Variants in SHISA6 observed in about 807,000 individuals in gnomAD.
The protein encoded by SHISA6 is protein shisa-6.
In SHISA6, 22 loss-of-function variants were observed where a neutral mutation model predicts 47.9. That is an observed-to-expected ratio of 0.46 (90% CI 0.33 to 0.66). The LOEUF (loss-of-function observed/expected upper bound fraction) is 0.66, where lower values mean the gene tolerates loss of function less well. Ranked by LOEUF, SHISA6 falls within the 30% of genes least tolerant of loss-of-function variation. SHISA6 has a pLI of 0.02. For synonymous variants in SHISA6, 388 were observed against 337.8 expected (o/e 1.15, Z -1.63); for missense variants, 680 against 764.6 (o/e 0.89, Z 1.30).
At chr17:11,320,697 CAAG>C (rs1200446195) in intron 2 of SHISA6, among the ~76,000 whole-genome samples, 2 of 151,184 alleles carry the variant, frequency 1.3e-5, no homozygotes, top group Admixed American at 6.6e-5. Context: ...GAGAAGAAAC[CAAG>C]GAGGAGGAGG....
At chr17:11,287,096 T>C (rs553879844) in intron 2 of SHISA6, among the ~76,000 whole-genome samples, 2 of 152,114 alleles carry the variant, frequency 1.3e-5, no homozygotes, top group Admixed American at 1.3e-4. Flanking sequence ...GAAAATGCAG[T>C]GAGTAAAAGA....
intron 2 of SHISA6, among the ~76,000 whole-genome samples, chr17:11,280,805 G>T (rs1279517199): frequency 6.6e-6 from 1 of 152,220 alleles, no homozygotes; most frequent in African/African-American, 2.4e-5. Context: ...TGCTCAATGG[G>T]TTGAATGGCA....
chr17:11,277,280 T>TCACACA lies in SHISA6; in HGVS notation c.799+13788_799+13793dup, dbSNP rs113287260. ...CTCTCTCTCTCTCTCTCTCTCTCTC[T>TCACACA]CACACACACACACACACACACACAC... On this transcript the variant is annotated intron_variant, in intron 2 of 5. Transcript: ENST00000441885. 2.8e-3 allele frequency among the ~76,000 whole-genome samples: 152 copies of TCACACA among 53,852 alleles called. 2 individuals are homozygous for TCACACA. The highest frequency in any genetic ancestry group is 7.7e-3 in the South Asian group (7 of 904). 35.3% of individuals were successfully genotyped at this position (53,852 alleles called of 152,430 possible). A position where few individuals can be genotyped will look rare whatever the true frequency, so the allele number is the denominator to read the frequency against.
intron 2 of SHISA6, among the ~76,000 whole-genome samples, chr17:11,294,862 T>C (rs1909688943): frequency 6.6e-6 from 1 of 152,256 alleles, no homozygotes; most frequent in Non-Finnish European, 1.5e-5. Context: ...AGAACTTTTG[T>C]GTTTTCACTT....
chr17:11,319,288 A>G (rs1406713578), intron 2 of SHISA6, among the ~76,000 whole-genome samples: 1 of 152,112 alleles, frequency 6.6e-6, no homozygotes, highest in Non-Finnish European at 1.5e-5. Flanking sequence ...CATGTTGGCC[A>G]GGCTAGTCTC....
chr17:11,457,310 A>C (rs1342802841), intron 3 of SHISA6, among the ~76,000 whole-genome samples: 1 of 152,156 alleles, frequency 6.6e-6, no homozygotes, highest in African/African-American at 2.4e-5. Flanking sequence ...AGTCTTCCCG[A>C]GGAAGCTTTT....
chr17:11,384,674 G>T (rs1913135008), intron 3 of SHISA6, among the ~76,000 whole-genome samples: 1 of 152,180 alleles, frequency 6.6e-6, no homozygotes, highest in Admixed American at 6.5e-5. Context: ...GGCAGTGGCA[G>T]ATGTGCTCCC....
intron 3 of SHISA6, among the ~76,000 whole-genome samples, chr17:11,482,224 T>C (rs115735425): frequency 3.9e-4 from 59 of 152,276 alleles, no homozygotes; most frequent in African/African-American, 1.4e-3. Context: ...CAAAGAAATA[T>C]ATTGGTGATG....
At chr17:11,514,833 T>C (rs1162110961) in intron 3 of SHISA6, among the ~76,000 whole-genome samples, 1 of 152,234 alleles carries the variant, frequency 6.6e-6, no homozygotes, top group Admixed American at 6.5e-5. Flanking sequence ...TCCTATTGTA[T>C]AGCAGCAGCC....
At chr17:11,440,973 A>G (rs146539028) in intron 3 of SHISA6, among the ~76,000 whole-genome samples, 162 of 152,166 alleles carry the variant, frequency 1.1e-3, no homozygotes, top group Middle Eastern at 6.8e-3. Context: ...GACTTGGTGA[A>G]GTAGAGAGGA....
At chr17:11,412,299 G>T (rs1010058469) in intron 3 of SHISA6, among the ~76,000 whole-genome samples, 1 of 152,098 alleles carries the variant, frequency 6.6e-6, no homozygotes, top group Non-Finnish European at 1.5e-5. Context: ...CTGGCATACT[G>T]TAGTGTTAAG....
intron 5 of SHISA6, 100 bp downstream of exon 5, chr17:11,555,992 A>G (rs997077501): frequency 3.0e-6 from 4 of 1,340,550 alleles, no homozygotes; most frequent in Non-Finnish European, 3.9e-6. Flanking sequence ...ACAGCTGTCA[A>G]ATCCCAAGAA....
chr17:11,371,881 C>A (rs1912640944), intron 2 of SHISA6, among the ~76,000 whole-genome samples: 1 of 152,010 alleles, frequency 6.6e-6, no homozygotes, highest in Non-Finnish European at 1.5e-5. Context: ...CCCATCAGCC[C>A]CACCCCTCTC....
At chr17:11,283,291 A>G (rs1909185632) in intron 2 of SHISA6, among the ~76,000 whole-genome samples, 1 of 152,268 alleles carries the variant, frequency 6.6e-6, no homozygotes. Context: ...TCTATTGAAG[A>G]AGAAGTAATT....
intron 3 of SHISA6, among the ~76,000 whole-genome samples, chr17:11,386,477 A>G (rs1468088617): frequency 6.6e-6 from 1 of 152,222 alleles, no homozygotes; most frequent in Non-Finnish European, 1.5e-5. Flanking sequence ...TTAGAGTTTT[A>G]ATGTTAAGGA....
In SHISA6 at chr17:11,493,569, ACG is replaced by A. The variant is rs1162791226; in HGVS notation, c.896-58324_896-58323del. On this transcript the variant is annotated intron_variant, in intron 3 of 5. Coordinates refer to ENST00000441885, the MANE Select transcript of SHISA6 (RefSeq NM_207386.4). ...TTGTTTTTTGGTACCATGTGGATAC[ACG>A]CGTGCGCGCGCACACACACACACAC... Among the ~76,000 whole-genome samples the A allele has an allele frequency of 5.5e-5, 6 of 109,720 alleles. No individual in the cohort carries two copies. In the East Asian group the frequency reaches 1.1e-3, roughly 21 times the overall value. 72.0% of individuals were successfully genotyped at this position (109,720 alleles called of 152,430 possible). A position where few individuals can be genotyped will look rare whatever the true frequency, so the allele number is the denominator to read the frequency against.
In SHISA6 at chr17:11,388,790, T is replaced by TTATATATA. The variant is rs56048344; in HGVS notation, c.895+9325_895+9332dup. On this transcript the variant is annotated intron_variant, in intron 3 of 5. Transcript: ENST00000441885. The stretch of plus-strand genomic sequence containing the variant: ...ACAGAACTACTGTTCAAACAAAAGT[T>TTATATATA]TATATATATATATATATATATATAT... 4.5e-3 allele frequency among the ~76,000 whole-genome samples: 225 copies of TTATATATA among 49,916 alleles called. 5 individuals carry two copies. Among genetic ancestry groups the TTATATATA allele is most frequent in the South Asian group, 7.2e-3 (9 of 1,256 alleles). 32.7% of individuals were successfully genotyped at this position (49,916 alleles called of 152,430 possible). A position where few individuals can be genotyped will look rare whatever the true frequency, so the allele number is the denominator to read the frequency against.
At chr17:11,292,857 G>A (rs1421768429) in intron 2 of SHISA6, among the ~76,000 whole-genome samples, 2 of 144,866 alleles carry the variant, frequency 1.4e-5, no homozygotes, top group East Asian at 2.0e-4. Context: ...GGAGTTTTGC[G>A]CTTATTGCCC....
rs1162083481 is a variant in SHISA6, at chr17:11,241,532, C to T, written c.110C>T (p.Ala37Val). 2 of 1,103,488 alleles carry T rather than the reference C, an allele frequency of 1.8e-6. No individual in the cohort carries two copies. Among genetic ancestry groups the T allele is most frequent in the East Asian group, 6.1e-5 (1 of 16,338 alleles). The allele number at this position is 1,103,488 out of a possible 1,614,324, so 68.4% of individuals were successfully genotyped here. The change falls in exon 1 of 6, where the codon GCA (alanine) becomes GTA (valine). Residue 37 changes from alanine to valine, a missense_variant. This residue lies in a region of SHISA6 where 121 missense variants were observed against 90.5 expected (regional missense o/e 1.34). Coordinates refer to ENST00000441885, the MANE Select transcript of SHISA6 (RefSeq NM_207386.4). The surrounding 1 kb of genome is among the most constrained non-coding windows in gnomAD (Gnocchi z 5.5). ...CGCGCCGCCAACCGGACCCTGAGTG[C>T]AGGCGGCGCTGCCGTCGGGGGCCGG... The part of the protein sequence containing the change: ...RGRAANRTLS[A>V]GGAAVGGRRA...
Sources: gnomAD v4.1 joint callset for allele counts (sites outside exome capture counted in the v4.1 genomes callset) on GRCh38, gnomAD v4.1.1 for gene constraint, gnomAD v4.1.1 regional missense constraint, Gnocchi (gnomAD v3.1) non-coding constraint, MANE v1.5 for transcripts, NCBI Gene and HGNC (gene_info 2026-07-23, HGNC 2026-07-21) for gene names.